The following GPC6 variants were observed in gnomAD, a reference collection of about 807,000 sequenced individuals.
The protein encoded by GPC6 is glypican 6.
In GPC6, 14 loss-of-function variants were observed where a neutral mutation model predicts 55.2. That is an observed-to-expected ratio of 0.25 (90% CI 0.17 to 0.40). The LOEUF is 0.40. GPC6 is among the 10% of genes least tolerant of loss of function. The probability of loss-of-function intolerance (pLI) is 1.00; values close to 1 mark genes in which losing one functional copy is unlikely to be tolerated. For synonymous variants in GPC6, 278 were observed against 259.6 expected (o/e 1.07, Z -0.68); for missense variants, 641 against 708.5 (o/e 0.90, Z 1.08).
chr13:93,708,155 T>C (rs1319034352), intron 2 of GPC6, among the ~76,000 whole-genome samples: 3 of 151,858 alleles, frequency 2.0e-5, no homozygotes, highest in Non-Finnish European at 4.4e-5. Flanking sequence ...AGTCTAATTA[T>C]TTACAAGATT....
intron 1 of GPC6, among the ~76,000 whole-genome samples, chr13:93,533,271 T>C (rs1357924677): frequency 1.3e-5 from 2 of 152,326 alleles, no homozygotes; most frequent in South Asian, 2.1e-4. Flanking sequence ...CTAAGAACAG[T>C]CCAGGTCTAT....
intron 7 of GPC6, among the ~76,000 whole-genome samples, chr13:94,398,259 C>G (rs1257535902): frequency 6.6e-6 from 1 of 151,444 alleles, no homozygotes; most frequent in Non-Finnish European, 1.5e-5. Flanking sequence ...AAAAACTAGT[C>G]TGAGGCTATT....
chr13:94,007,230 TCA>T (rs1232998693), intron 3 of GPC6, among the ~76,000 whole-genome samples: 1 of 152,206 alleles, frequency 6.6e-6, no homozygotes, highest in Non-Finnish European at 1.5e-5. Flanking sequence ...AGTACTCAGA[TCA>T]CTCATTAATT....
At chr13:93,220,780 T>A in the GPC6 span, among the ~76,000 whole-genome samples, 79 of 152,378 alleles carry the variant, frequency 5.2e-4, no homozygotes, top group Middle Eastern at 3.4e-3. Flanking sequence ...AATATTTAAA[T>A]ATATTTAATA....
intron 6 of GPC6, among the ~76,000 whole-genome samples, chr13:94,329,375 A>G (rs2139139875): frequency 6.6e-6 from 1 of 152,238 alleles, no homozygotes; most frequent in Admixed American, 6.5e-5. Flanking sequence ...TCCACCTCGA[A>G]GGATGTCGTT....
intron 2 of GPC6, among the ~76,000 whole-genome samples, chr13:93,597,260 G>C (rs138614884): frequency 2.6e-5 from 4 of 152,256 alleles, no homozygotes; most frequent in African/African-American, 9.6e-5. Context: ...TAATCAAGTT[G>C]ACACATCACA....
intron 2 of GPC6, among the ~76,000 whole-genome samples, chr13:93,774,820 G>T (rs543819635): frequency 6.6e-6 from 1 of 152,228 alleles, no homozygotes; most frequent in East Asian, 1.9e-4. Flanking sequence ...CCATCAATTG[G>T]TTTAAAAAGC....
chr13:94,358,758 G>T (rs1878919901), intron 6 of GPC6, among the ~76,000 whole-genome samples: 1 of 152,070 alleles, frequency 6.6e-6, no homozygotes, highest in African/African-American at 2.4e-5. Flanking sequence ...TTTTGATCAG[G>T]GAAAAGCTCT....
intron 1 of GPC6, among the ~76,000 whole-genome samples, chr13:93,534,419 G>A (rs1465988459): frequency 2.6e-5 from 4 of 152,086 alleles, no homozygotes; most frequent in Non-Finnish European, 5.9e-5. Context: ...GTTTGTTTGG[G>A]ATGTGCATCG....
At chr13:93,373,648 A>G (rs1874761329) in intron 1 of GPC6, among the ~76,000 whole-genome samples, 1 of 152,176 alleles carries the variant, frequency 6.6e-6, no homozygotes, top group Admixed American at 6.5e-5. Flanking sequence ...AGGTCAGATT[A>G]ACAAAATGAA....
chr13:93,605,595 G>C (rs1268420250), intron 2 of GPC6, among the ~76,000 whole-genome samples: 1 of 151,976 alleles, frequency 6.6e-6, no homozygotes, highest in Non-Finnish European at 1.5e-5. Flanking sequence ...CCAGCACTTT[G>C]GGACGCCAAG....
In GPC6 at chr13:93,545,497, A is replaced by AT. The variant is rs1014375847; in HGVS notation, c.319+83dup. On this transcript the variant is annotated intron_variant, in intron 2 of 8. Transcript: ENST00000377047. ...AGAATCTTGGTATCATATGAAAAAT[A>AT]TTTTTTTAAAAAGGGAGCTTTTCTA... 43 of 1,270,072 alleles carry AT rather than the reference A, an allele frequency of 3.4e-5. No homozygotes were observed. In the African/African-American group the frequency reaches 5.0e-4, roughly 15 times the overall value. 78.7% of individuals were successfully genotyped at this position (1,270,072 alleles called of 1,614,324 possible).
At chr13:94,231,655 G>A (rs77970090) in intron 4 of GPC6, among the ~76,000 whole-genome samples, 1,930 of 152,182 alleles carry the variant, frequency 0.013, 16 homozygotes, top group Middle Eastern at 0.027. Context: ...AGAGATCTCG[G>A]AAAATGGCTT....
At chr13:94,161,641 A>G (rs1888168366) in intron 4 of GPC6, among the ~76,000 whole-genome samples, 2 of 152,182 alleles carry the variant, frequency 1.3e-5, no homozygotes, top group Admixed American at 1.3e-4. Context: ...GAAGACATGT[A>G]AAGAGTATGG....
intron 1 of GPC6, among the ~76,000 whole-genome samples, chr13:93,462,992 T>G (rs1566370531): frequency 1.3e-5 from 2 of 152,286 alleles, no homozygotes; most frequent in East Asian, 3.9e-4. Flanking sequence ...TAGGACAGTT[T>G]GTGTATGAAT....
intron 4 of GPC6, among the ~76,000 whole-genome samples, chr13:94,038,712 A>C (rs1438726947): frequency 1.3e-5 from 2 of 151,954 alleles, no homozygotes. Context: ...TTCACAGAGC[A>C]CTGAGGGCAG....
chr13:93,219,589 A>G, the GPC6 span, among the ~76,000 whole-genome samples: 4 of 152,158 alleles, frequency 2.6e-5, no homozygotes, highest in Admixed American at 2.6e-4. Context: ...TTTTCACTCT[A>G]ATTTTTTTTG....
chr13:93,383,482 G>T (rs913018599), intron 1 of GPC6, among the ~76,000 whole-genome samples: 1 of 152,196 alleles, frequency 6.6e-6, no homozygotes, highest in Non-Finnish European at 1.5e-5. Context: ...CTCCTAAAAT[G>T]TTGGGATTAC....
At chr13:93,870,508 A>G (rs1172038049) in intron 3 of GPC6, among the ~76,000 whole-genome samples, 1 of 151,916 alleles carries the variant, frequency 6.6e-6, no homozygotes, top group African/African-American at 2.4e-5. Context: ...TTGCTGCATA[A>G]CCAGGTACCC....
Sources: gnomAD v4.1 joint callset for allele counts (sites outside exome capture counted in the v4.1 genomes callset) on GRCh38, gnomAD v4.1.1 for gene constraint, MANE v1.5 for transcripts, NCBI Gene and HGNC (gene_info 2026-07-23, HGNC 2026-07-21) for gene names.